DCAF6: variants seen among roughly 807,000 people sequenced by gnomAD.
DCAF6 encodes DDB1 and CUL4 associated factor 6.
A neutral mutation model predicts 125.1 loss-of-function variants in DCAF6; 54 were observed. That is an observed-to-expected ratio of 0.43 (90% CI 0.35 to 0.54). DCAF6 has a LOEUF of 0.54. DCAF6 is among the 20% of genes least tolerant of loss of function. The pLI, the probability that DCAF6 is intolerant of heterozygous loss-of-function variation, is 0.01. For missense variants in DCAF6, 934 were observed against 1,161.7 expected (o/e 0.80, Z 2.85); for synonymous variants, 371 against 390.4 (o/e 0.95, Z 0.58).
intron 10 of DCAF6, among the ~76,000 whole-genome samples, chr1:168,012,591 G>T (rs1684451493): frequency 6.6e-6 from 1 of 152,170 alleles, no homozygotes; most frequent in Non-Finnish European, 1.5e-5. Flanking sequence ...TAATATGTGT[G>T]TATGTTGACT....
chr1:167,881,293 A>G, the DCAF6 span, among the ~76,000 whole-genome samples: 52 of 152,368 alleles, frequency 3.4e-4, no homozygotes, highest in Middle Eastern at 6.8e-3. Flanking sequence ...GACCTCAGTC[A>G]GGTGCTGTTG....
intron 2 of DCAF6, among the ~76,000 whole-genome samples, chr1:167,964,864 A>G (rs1676158977): frequency 6.6e-6 from 1 of 151,986 alleles, no homozygotes; most frequent in Admixed American, 6.6e-5. Flanking sequence ...TTTCTGTTAC[A>G]TTGTTTTTGA....
At chr1:167,880,200 G>A in the DCAF6 span, 1 of 1,609,742 alleles carries the variant, frequency 6.2e-7, no homozygotes, top group Admixed American at 1.7e-5. Flanking sequence ...TTCTGGTGCA[G>A]GGGAGACAAG....
At chr1:168,011,834 G>T (rs12088982) in intron 10 of DCAF6, among the ~76,000 whole-genome samples, 4 of 152,044 alleles carry the variant, frequency 2.6e-5, no homozygotes, top group African/African-American at 4.8e-5. Context: ...TTTGTTGTGC[G>T]TGGTGGCATG....
At chr1:168,050,066 G>GA (rs5778564) in intron 16 of DCAF6, among the ~76,000 whole-genome samples, 74,848 of 144,082 alleles carry the variant, frequency 0.52, 20,118 homozygotes, top group African/African-American at 0.67. Flanking sequence ...ATTACTCTCT[G>GA]AAAAAAAAAA....
chr1:167,952,527 T>A (rs1014750901), intron 2 of DCAF6, among the ~76,000 whole-genome samples: 3 of 152,190 alleles, frequency 2.0e-5, no homozygotes, highest in African/African-American at 7.2e-5. Context: ...ATATCCTCTT[T>A]TTTGAAATAC....
the DCAF6 span, among the ~76,000 whole-genome samples, chr1:167,925,483 A>ATG: frequency 1.5e-5 from 2 of 137,076 alleles, no homozygotes; most frequent in Admixed American, 7.5e-5. Flanking sequence ...ATACATATAC[A>ATG]TATACACACA....
At chr1:168,010,814 T>C (rs1406646700) in intron 10 of DCAF6, among the ~76,000 whole-genome samples, 2 of 152,104 alleles carry the variant, frequency 1.3e-5, no homozygotes, top group Non-Finnish European at 2.9e-5. Flanking sequence ...ATTTCTTAAG[T>C]TAAGCCTAGA....
At chr1:167,901,860 T>A in the DCAF6 span, 2 of 1,613,692 alleles carry the variant, frequency 1.2e-6, no homozygotes, top group Non-Finnish European at 1.7e-6. Flanking sequence ...TCAATCTATT[T>A]TGTATGAGAT....
At chr1:167,966,027 T>A (rs1469025332) in intron 2 of DCAF6, among the ~76,000 whole-genome samples, 1 of 152,172 alleles carries the variant, frequency 6.6e-6, no homozygotes, top group Non-Finnish European at 1.5e-5. Flanking sequence ...TAGCTCTGTT[T>A]CTCACAGAGG....
At chr1:168,011,111 A>ATTTTTTTTTTTTTT (rs370763073) in intron 10 of DCAF6, among the ~76,000 whole-genome samples, 1 of 110,358 alleles carries the variant, frequency 9.1e-6, no homozygotes, top group Non-Finnish European at 1.8e-5. Flanking sequence ...GACCATCAGA[A>ATTTTTTTTTTTTTT]TTTTTTTTTT....
chr1:168,054,675 G>A (rs1690382430), intron 17 of DCAF6, among the ~76,000 whole-genome samples: 1 of 152,110 alleles, frequency 6.6e-6, no homozygotes, highest in Non-Finnish European at 1.5e-5. Flanking sequence ...TAATTTAAAT[G>A]TAAATTTCAG....
chr1:167,883,769 C>A, the DCAF6 span: 2 of 770,524 alleles, frequency 2.6e-6, no homozygotes, highest in Non-Finnish European at 2.3e-6. Flanking sequence ...AGCCAGCATG[C>A]CTGAAGTGGA....
At chr1:167,863,976 G>GCCCACTCCATT in the DCAF6 span, among the ~76,000 whole-genome samples, 1 of 152,068 alleles carries the variant, frequency 6.6e-6, no homozygotes, top group Middle Eastern at 3.4e-3. Flanking sequence ...TTGGGAACTT[G>GCCCACTCCATT]CCCACTCCAT....
chr1:167,878,536 G>A, the DCAF6 span: 28 of 1,613,964 alleles, frequency 1.7e-5, no homozygotes, highest in Admixed American at 2.7e-4. Context: ...AAAAAAGTAC[G>A]CTGGTAGGTT....
At chr1:167,951,921 A>T (rs1022874730) in intron 2 of DCAF6, 60 bp downstream of exon 2, 7 of 1,112,624 alleles carry the variant, frequency 6.3e-6, no homozygotes, top group Middle Eastern at 2.0e-4. Flanking sequence ...TAAGTGTTTG[A>T]TGAAATGTCC....
At chr1:168,008,168 C>G (rs569139327) in intron 10 of DCAF6, among the ~76,000 whole-genome samples, 17 of 151,892 alleles carry the variant, frequency 1.1e-4, no homozygotes, top group Non-Finnish European at 2.1e-4. Context: ...TGGGGTTCCC[C>G]ATGTTGGTCA....
At chr1:167,898,958 C>A in the DCAF6 span, among the ~76,000 whole-genome samples, 5 of 152,240 alleles carry the variant, frequency 3.3e-5, no homozygotes, top group South Asian at 1.0e-3. Context: ...TAGGCAGAGC[C>A]ACAGGAAGAG....
At chr1:167,898,819 C>G in the DCAF6 span, among the ~76,000 whole-genome samples, 1 of 152,158 alleles carries the variant, frequency 6.6e-6, no homozygotes, top group Non-Finnish European at 1.5e-5. Context: ...AGTCCCATTC[C>G]TTTGGCTCAT....
Sources: allele counts gnomAD v4.1 joint callset (sites outside exome capture counted in the v4.1 genomes callset), GRCh38; gene constraint gnomAD v4.1.1; transcripts MANE v1.5; gene names NCBI Gene and HGNC (gene_info 2026-07-23, HGNC 2026-07-21).